CWF19L2: variants seen among roughly 807,000 people sequenced by gnomAD.
CWF19L2 encodes the protein CWF19 like cell cycle control factor 2, also known as CWF19-like protein 2.
In CWF19L2, 98 loss-of-function variants were observed where a neutral mutation model predicts 111.7. The observed-to-expected ratio is 0.88, with a 90% CI of 0.75 to 1.04. The LOEUF (loss-of-function observed/expected upper bound fraction) is 1.04. Ranked by LOEUF, CWF19L2 falls within the 50% of genes least tolerant of loss-of-function variation. CWF19L2 has a pLI of 0.00. For missense variants in CWF19L2, 1,101 were observed against 1,051.4 expected, an observed-to-expected ratio of 1.05 and a Z score of -0.65; for synonymous variants, 351 against 342.9, an observed-to-expected ratio of 1.02 and a Z score of -0.26.
At position 107,373,939 on chromosome 11, in the gene CWF19L2, C is replaced by G. The variant is rs1224437459; in HGVS notation, c.1872+16135G>C. Among the ~76,000 whole-genome samples, 151 of 135,700 alleles carry G rather than the reference C, an allele frequency of 1.1e-3. 38 individuals are homozygous for G. The highest frequency in any genetic ancestry group is 4.3e-3 in the African/African-American group (146 of 33,768). The allele number at this position is 135,700 out of a possible 152,430, so 89.0% of individuals were successfully genotyped here. On this transcript the variant is annotated intron_variant, in intron 12 of 17. Transcript: ENST00000282251. ...GAAGTGCTTAAAGGAGCTGATGGAGCTGAAAACCAAGGCTCGAGAACTACG... is the reference window on the plus strand; with the variant it reads ...GAAGTGCTTAAAGGAGCTGATGGAGGTGAAAACCAAGGCTCGAGAACTACG...
chr11:107,404,408 T>G, intron 10 of CWF19L2: 1 of 785,544 alleles, frequency 1.3e-6, no homozygotes, highest in Non-Finnish European at 2.4e-6. Context: ...CTTTGGGGGT[T>G]TTGGAATTAT....
At chr11:107,419,655 A>G (rs868379579) in intron 8 of CWF19L2, among the ~76,000 whole-genome samples, 18 of 152,284 alleles carry the variant, frequency 1.2e-4, no homozygotes, top group Middle Eastern at 3.4e-3. Flanking sequence ...TGAAAACTAC[A>G]ATGTGTGAGA....
chr11:107,384,088 G>A (rs1860731179), intron 12 of CWF19L2, among the ~76,000 whole-genome samples: 1 of 152,170 alleles, frequency 6.6e-6, no homozygotes, highest in South Asian at 2.1e-4. Flanking sequence ...TACACTGAAT[G>A]AGTTCAATTA....
intron 12 of CWF19L2, among the ~76,000 whole-genome samples, chr11:107,358,143 G>T (rs1169634970): frequency 6.6e-6 from 1 of 152,134 alleles, no homozygotes; most frequent in African/African-American, 2.4e-5. Context: ...CACTGCTGAT[G>T]GGAATGTAAG....
At chr11:107,453,002 T>A (rs985865341) in intron 3 of CWF19L2, among the ~76,000 whole-genome samples, 24 of 151,860 alleles carry the variant, frequency 1.6e-4, no homozygotes, top group African/African-American at 2.2e-4. Context: ...AACAAAAAAA[T>A]TTAATAATAA....
At chr11:107,330,142 G>T in intron 16 of CWF19L2, 123 bp from the exon 17 acceptor site, 1 of 504,286 alleles carries the variant, frequency 2.0e-6, no homozygotes, top group East Asian at 3.3e-5. Context: ...TGTATAAAAT[G>T]AATTTCCAGT....
chr11:107,445,692 C>T (rs935697278), intron 3 of CWF19L2, among the ~76,000 whole-genome samples: 4 of 151,838 alleles, frequency 2.6e-5, no homozygotes, highest in Non-Finnish European at 5.9e-5. Flanking sequence ...ATCTCCTGGA[C>T]TCATCTTTCC....
chr11:107,421,222 G>A (rs1591194751), intron 8 of CWF19L2, among the ~76,000 whole-genome samples: 1 of 151,910 alleles, frequency 6.6e-6, no homozygotes, highest in Admixed American at 6.6e-5. Context: ...AAGACCAAAG[G>A]AAAATTATAT....
chr11:107,344,498 A>T (rs1332931636), intron 14 of CWF19L2, among the ~76,000 whole-genome samples: 2 of 152,210 alleles, frequency 1.3e-5, no homozygotes, highest in East Asian at 3.9e-4. Context: ...CTAGAAACAG[A>T]ATTCTTGCTT....
chr11:107,356,353 A>G (rs1044237262), intron 12 of CWF19L2, among the ~76,000 whole-genome samples: 3 of 152,186 alleles, frequency 2.0e-5, no homozygotes, highest in Admixed American at 6.5e-5. Context: ...ATAAAACCCA[A>G]TGTAAATAGA....
chr11:107,441,376 C>CT (rs1303206796), intron 5 of CWF19L2, 127 bp downstream of exon 5: 12 of 749,508 alleles, frequency 1.6e-5, no homozygotes, highest in Admixed American at 8.0e-5. Flanking sequence ...TAGTTGTTCT[C>CT]ACTAATTGTA....
At position 107,353,550 on chromosome 11, in the gene CWF19L2, G is replaced by A. The variant is rs1438947055; in HGVS notation, c.2059C>T (p.His687Tyr). Reference sequence around the variant, plus strand: ...TTAACACCTATTGCAACAATAAGATGCTTGGGAAATTGAGAGCTGTCAAAA... The same window carrying A: ...TTAACACCTATTGCAACAATAAGATACTTGGGAAATTGAGAGCTGTCAAAA... ...YCFDSSQFPK[H>Y]LIVAIGVKVY... The change falls in exon 13 of 18, where the codon CAT becomes TAT. Residue 687 changes from histidine (H) to tyrosine (Y), a missense_variant. Transcript: ENST00000282251. 1 of 1,613,528 alleles carries A rather than the reference G, an allele frequency of 6.2e-7. No individual in the cohort carries two copies. Among genetic ancestry groups the A allele is most frequent in the Admixed American group, 1.7e-5 (1 of 60,000 alleles).
chr11:107,360,895 G>A (rs1291037333), intron 12 of CWF19L2, among the ~76,000 whole-genome samples: 1 of 152,122 alleles, frequency 6.6e-6, no homozygotes, highest in Admixed American at 6.5e-5. Context: ...CTTGACAAAT[G>A]CATATTTTGC....
chr11:107,328,687 G>A (rs895773791), intron 17 of CWF19L2, among the ~76,000 whole-genome samples: 12 of 152,058 alleles, frequency 7.9e-5, no homozygotes, highest in Non-Finnish European at 1.5e-4. Flanking sequence ...TTTAAAAATG[G>A]ATATTTTACT....
At chr11:107,408,040 G>A (rs555461273) in intron 10 of CWF19L2, among the ~76,000 whole-genome samples, 1 of 151,828 alleles carries the variant, frequency 6.6e-6, no homozygotes. Context: ...CTTTTCCTTT[G>A]GCAAAGTTAC....
At chr11:107,363,254 A>T (rs1446314018) in intron 12 of CWF19L2, among the ~76,000 whole-genome samples, 1 of 152,172 alleles carries the variant, frequency 6.6e-6, no homozygotes, top group Non-Finnish European at 1.5e-5. Flanking sequence ...ACTCTGCGGG[A>T]TATTATCCAG....
chr11:107,418,337 A>ATTTGTTATTC, intron 8 of CWF19L2, 50 bp from the exon 9 acceptor site: 1 of 1,142,826 alleles, frequency 8.8e-7, no homozygotes, highest in Non-Finnish European at 1.3e-6. Context: ...GTGCGATGCA[A>ATTTGTTATTC]GCAATAACAT....
In CWF19L2 at chr11:107,457,784, T is replaced by C; in HGVS notation, c.33A>G (p.Arg11=). The change falls in exon 1 of 18, where the codon AGA becomes AGG. Residue 11 remains arginine (R), a synonymous_variant. Transcript: ENST00000282251. ...CTTCGATACTCTTCGCACTTTCAAATCTACCACTAGCAGCCGCCATACTTG... is the reference window on the plus strand; with the variant it reads ...CTTCGATACTCTTCGCACTTTCAAACCTACCACTAGCAGCCGCCATACTTG... The part of the protein sequence containing the change: MATSMAAASG[R]FESAKSIEER... The C allele has an allele frequency of 6.4e-7, 1 of 1,551,774 alleles. No homozygotes were observed. The highest frequency in any genetic ancestry group is 8.7e-7 in the Non-Finnish European group (1 of 1,146,992).
At chr11:107,409,575 GA>G in intron 10 of CWF19L2, among the ~76,000 whole-genome samples, 1 of 152,174 alleles carries the variant, frequency 6.6e-6, no homozygotes, top group Non-Finnish European at 1.5e-5. Context: ...TACATAATGT[GA>G]CTCCATTGAA....
Sources: allele counts gnomAD v4.1 joint callset (sites outside exome capture counted in the v4.1 genomes callset), GRCh38; gene constraint gnomAD v4.1.1; transcripts MANE v1.5; gene names NCBI Gene and HGNC (gene_info 2026-07-23, HGNC 2026-07-21).